METTL15: variants seen among roughly 807,000 people sequenced by gnomAD.
The protein encoded by METTL15 is 12S rRNA N(4)-cytidine methyltransferase METTL15.
In METTL15, 34 loss-of-function variants were observed where a neutral mutation model predicts 38.3. The ratio of observed to expected loss-of-function variants is 0.89; its 90% CI spans 0.68 to 1.18. METTL15 has a LOEUF of 1.18. METTL15 is among the 50% of genes most tolerant of loss of function. The pLI is 0.00. For missense variants in METTL15, 438 were observed against 498.4 expected (o/e 0.88, Z 1.15); for synonymous variants, 162 against 170.9 (o/e 0.95, Z 0.41).
intron 4 of METTL15, among the ~76,000 whole-genome samples, chr11:28,213,001 C>G (rs1852705719): frequency 6.6e-6 from 1 of 151,984 alleles, no homozygotes; most frequent in Non-Finnish European, 1.5e-5. Flanking sequence ...ATATTCTTTT[C>G]AGTTTATAGA....
chr11:28,334,238 A>G (rs1038371647), downstream of METTL15, among the ~76,000 whole-genome samples: 7 of 152,028 alleles, frequency 4.6e-5, no homozygotes, highest in African/African-American at 1.7e-4. Flanking sequence ...AGGTGACATT[A>G]ATTATGTTTC....
At chr11:28,110,522 C>G (rs1197795009) in intron 2 of METTL15, 121 bp downstream of exon 2, 1 of 152,244 alleles carries the variant, frequency 6.6e-6, no homozygotes, top group Non-Finnish European at 1.5e-5. Context: ...CTGACCCTCT[C>G]CCTCTCTTCA....
At chr11:28,233,377 G>A (rs564336394) in intron 4 of METTL15, among the ~76,000 whole-genome samples, 17 of 152,064 alleles carry the variant, frequency 1.1e-4, no homozygotes, top group Admixed American at 1.0e-3. Context: ...TTGTATAAAT[G>A]ATTACATTTT....
chr11:28,125,438 G>A (rs994390532), intron 3 of METTL15: 1 of 151,916 alleles, frequency 6.6e-6, no homozygotes, highest in African/African-American at 2.4e-5. Flanking sequence ...TATTATATCT[G>A]AGTTCTATGC....
intron 6 of METTL15, among the ~76,000 whole-genome samples, chr11:28,447,230 C>A (rs759234349): frequency 3.3e-5 from 5 of 152,062 alleles, no homozygotes; most frequent in South Asian, 4.1e-4. Context: ...TTGGGCCCAA[C>A]TGAATGTAAT....
intron 5 of METTL15, among the ~76,000 whole-genome samples, chr11:28,389,936 A>G (rs1051052601): frequency 9.8e-4 from 149 of 152,184 alleles, no homozygotes; most frequent in African/African-American, 1.9e-3. Context: ...AACTGGTATG[A>G]GATGGTATCT....
At chr11:28,445,238 A>G (rs1052834947) in intron 6 of METTL15, among the ~76,000 whole-genome samples, 4 of 152,210 alleles carry the variant, frequency 2.6e-5, no homozygotes, top group African/African-American at 7.2e-5. Flanking sequence ...AATCATTTCT[A>G]ATGTATAGAA....
At chr11:28,402,843 C>T (rs973180278) in intron 5 of METTL15, among the ~76,000 whole-genome samples, 9 of 151,844 alleles carry the variant, frequency 5.9e-5, no homozygotes, top group Non-Finnish European at 1.0e-4. Context: ...CCCACCTTCT[C>T]AGCCTCCTGA....
chr11:28,295,465 G>A (rs887972722), intron 5 of METTL15, among the ~76,000 whole-genome samples: 5 of 151,900 alleles, frequency 3.3e-5, no homozygotes, highest in Admixed American at 6.6e-5. Flanking sequence ...ACGGCAGTCC[G>A]ACATAAAAAC....
At chr11:28,314,565 C>T (rs1226153520) in intron 6 of METTL15, among the ~76,000 whole-genome samples, 2 of 152,184 alleles carry the variant, frequency 1.3e-5, no homozygotes, top group Non-Finnish European at 2.9e-5. Flanking sequence ...GCAAATGGGC[C>T]TCAATCACTC....
chr11:28,424,844 C>T (rs967163329), intron 6 of METTL15, among the ~76,000 whole-genome samples: 4 of 152,110 alleles, frequency 2.6e-5, no homozygotes, highest in Non-Finnish European at 4.4e-5. Flanking sequence ...CCCTTTTTCT[C>T]TTCATTGAGC....
chr11:28,343,329 A>G (rs1037567401), intron 3 of METTL15, among the ~76,000 whole-genome samples: 2 of 152,242 alleles, frequency 1.3e-5, no homozygotes, highest in African/African-American at 4.8e-5. Flanking sequence ...ATAAACATCA[A>G]CTAGAGAAAG....
chr11:28,166,073 G>A (rs1850648606), intron 3 of METTL15, among the ~76,000 whole-genome samples: 1 of 152,110 alleles, frequency 6.6e-6, no homozygotes, highest in Non-Finnish European at 1.5e-5. Context: ...CTGGGAATGT[G>A]ATTCTTCCAA....
chr11:28,183,188 T>C (rs1182962344), intron 3 of METTL15, among the ~76,000 whole-genome samples: 1 of 152,100 alleles, frequency 6.6e-6, no homozygotes, highest in Non-Finnish European at 1.5e-5. Context: ...AAATATACGC[T>C]CATGTCATCT....
chr11:28,236,592 T>G (rs1401090150), intron 4 of METTL15, among the ~76,000 whole-genome samples: 1 of 152,206 alleles, frequency 6.6e-6, no homozygotes, highest in East Asian at 1.9e-4. Context: ...GAGCATTTAG[T>G]CCATTTACAT....
intron 6 of METTL15, among the ~76,000 whole-genome samples, chr11:28,435,931 A>T (rs750480451): frequency 2.6e-5 from 4 of 152,148 alleles, no homozygotes; most frequent in Non-Finnish European, 5.9e-5. Flanking sequence ...AGATAAAAAC[A>T]GTTTTATGTC....
chr11:28,479,491 A>C (rs1378851628), intron 6 of METTL15, among the ~76,000 whole-genome samples: 1 of 152,154 alleles, frequency 6.6e-6, no homozygotes, highest in African/African-American at 2.4e-5. Flanking sequence ...GGCCCTGAGA[A>C]GATTTTATTC....
chr11:28,288,422 A>G (rs1856374058), intron 4 of METTL15, among the ~76,000 whole-genome samples: 1 of 152,212 alleles, frequency 6.6e-6, no homozygotes, highest in Non-Finnish European at 1.5e-5. Context: ...CTAAATGCCC[A>G]TTAATGGTAG....
At chr11:28,470,712 T>C (rs943869320) in intron 6 of METTL15, among the ~76,000 whole-genome samples, 13 of 152,136 alleles carry the variant, frequency 8.5e-5, no homozygotes, top group African/African-American at 3.1e-4. Flanking sequence ...TCTTAGCTAA[T>C]GTAAGCACTC....
Sources: allele counts gnomAD v4.1 joint callset (sites outside exome capture counted in the v4.1 genomes callset), GRCh38; gene constraint gnomAD v4.1.1; transcripts MANE v1.5; gene names NCBI Gene and HGNC (gene_info 2026-07-23, HGNC 2026-07-21).